Variants in MRAP2 observed in about 807,000 individuals in gnomAD.
The protein encoded by MRAP2 is melanocortin-2 receptor accessory protein 2.
In MRAP2, 20 loss-of-function variants were observed where a neutral mutation model predicts 17.4. The ratio of observed to expected loss-of-function variants is 1.15; its 90% CI spans 0.81 to 1.67. The LOEUF is 1.67. Among genes scored for constraint, MRAP2 ranks in the 40% most tolerant of loss-of-function variants. The probability of loss-of-function intolerance (pLI) is 0.00; values close to 1 mark genes in which losing one functional copy is unlikely to be tolerated. For synonymous variants in MRAP2, 96 were observed against 88.4 expected (o/e 1.09, Z -0.48); for missense variants, 238 against 240.0 (o/e 0.99, Z 0.05).
Position 84,050,478 on chromosome 6 carries a change from C to T in MRAP2, c.-7-4834C>T, listed in dbSNP as rs1276881478. Among the ~76,000 whole-genome samples the T allele has an allele frequency of 2.0e-5, 3 of 152,062 alleles. No homozygotes were observed. The East Asian group carries it at 5.8e-4, about 29-fold the overall frequency. ...TTTCTGTGTGGCCCTACCCTAGGCA[C>T]GAGTAAGCTGGGTGCACCATTGTTC... is the stretch of plus-strand genomic sequence containing the variant. On this transcript the variant is annotated intron_variant, in intron 1 of 3. Coordinates refer to ENST00000257776, the MANE Select transcript of MRAP2 (RefSeq NM_138409.4).
chr6:84,039,833 G>A (rs78820345), intron 1 of MRAP2, among the ~76,000 whole-genome samples: 1,883 of 152,286 alleles, frequency 0.012, 43 homozygotes, highest in African/African-American at 0.043. Context: ...GGTTTAACAA[G>A]AGAGAAAAAT....
At chr6:84,064,701 A>T (rs941994063) in intron 3 of MRAP2, among the ~76,000 whole-genome samples, 1 of 152,058 alleles carries the variant, frequency 6.6e-6, no homozygotes, top group African/African-American at 2.4e-5. Context: ...GTTAGCCAGG[A>T]TGGTCTCGAT....
At chr6:84,062,831 T>C (rs755582095) in intron 2 of MRAP2, 62 bp from the exon 3 acceptor site, 57 of 1,608,542 alleles carry the variant, frequency 3.5e-5, no homozygotes, top group Non-Finnish European at 4.6e-5. Context: ...AAGCTCTGAT[T>C]CTTGAATGTT....
chr6:84,043,609 T>A (rs2099488205), intron 1 of MRAP2, among the ~76,000 whole-genome samples: 1 of 150,420 alleles, frequency 6.6e-6, no homozygotes, highest in Non-Finnish European at 1.5e-5. Context: ...CTACTGTCTA[T>A]GTCTTCAGGC....
chr6:84,064,588 C>T (rs9449762), intron 3 of MRAP2, among the ~76,000 whole-genome samples: 2,149 of 152,084 alleles, frequency 0.014, 39 homozygotes, highest in African/African-American at 0.048. Flanking sequence ...CCCGGGTTCA[C>T]GCCATTCTCC....
At chr6:84,091,628 A>G (rs1036466223), downstream of MRAP2, among the ~76,000 whole-genome samples, 5 of 152,218 alleles carry the variant, frequency 3.3e-5, no homozygotes, top group Non-Finnish European at 5.9e-5. Context: ...CTTAAGTGGT[A>G]TCTTATTTAG....
chr6:84,127,512 A>C, the MRAP2 span, among the ~76,000 whole-genome samples: 1 of 152,148 alleles, frequency 6.6e-6, no homozygotes, highest in Non-Finnish European at 1.5e-5. Flanking sequence ...CTCACAGAAC[A>C]TGCTGTGGTG....
chr6:84,126,433 T>G, the MRAP2 span: 1 of 1,600,294 alleles, frequency 6.2e-7, no homozygotes. Flanking sequence ...CTTAATTTTC[T>G]TTTCTAAGCC....
chr6:84,036,139 T>A (rs545281055), intron 1 of MRAP2, among the ~76,000 whole-genome samples: 95 of 151,898 alleles, frequency 6.3e-4, no homozygotes, highest in South Asian at 1.2e-3. Context: ...TTTTTTTTTT[T>A]AAATTTTTCT....
At chr6:84,058,768 G>T (rs2099492322) in intron 2 of MRAP2, among the ~76,000 whole-genome samples, 1 of 152,130 alleles carries the variant, frequency 6.6e-6, no homozygotes, top group African/African-American at 2.4e-5. Flanking sequence ...GGACAATTGT[G>T]GTTTTTTGGA....
chr6:84,073,525 G>A (rs147719823), intron 3 of MRAP2, among the ~76,000 whole-genome samples: 201 of 152,278 alleles, frequency 1.3e-3, no homozygotes, highest in African/African-American at 4.5e-3. Flanking sequence ...AGTGGATCTG[G>A]AGCTAAAATT....
chr6:84,088,662 A>G (rs1365771571), intron 3 of MRAP2, among the ~76,000 whole-genome samples: 1 of 152,214 alleles, frequency 6.6e-6, no homozygotes, highest in African/African-American at 2.4e-5. Context: ...AAACTTCAGT[A>G]TGAGTAATGA....
At chr6:84,135,540 C>T in the MRAP2 span, among the ~76,000 whole-genome samples, 2 of 152,152 alleles carry the variant, frequency 1.3e-5, no homozygotes, top group South Asian at 2.1e-4. Context: ...TTAAACTGAA[C>T]CACAAAATTA....
intron 1 of MRAP2, among the ~76,000 whole-genome samples, chr6:84,053,680 T>G (rs1028583238): frequency 3.3e-5 from 5 of 152,190 alleles, no homozygotes; most frequent in African/African-American, 9.7e-5. Flanking sequence ...CCTGCTAATA[T>G]TTTTCTTAAT....
intron 2 of MRAP2, among the ~76,000 whole-genome samples, chr6:84,058,576 G>T (rs1390204463): frequency 2.0e-5 from 3 of 152,044 alleles, no homozygotes; most frequent in African/African-American, 7.2e-5. Context: ...GGAAGCCGTA[G>T]ACTTGAGAGT....
chr6:84,113,957 G>A, the MRAP2 span, among the ~76,000 whole-genome samples: 3 of 152,212 alleles, frequency 2.0e-5, no homozygotes, highest in African/African-American at 7.2e-5. Context: ...CTGTTAGTCT[G>A]ATGGGTTTCC....
intron 3 of MRAP2, among the ~76,000 whole-genome samples, chr6:84,082,434 A>G (rs1234443700): frequency 6.6e-6 from 1 of 152,212 alleles, no homozygotes; most frequent in African/African-American, 2.4e-5. Context: ...ATCTTCAGTA[A>G]CATGCTTAAG....
intron 3 of MRAP2, among the ~76,000 whole-genome samples, chr6:84,066,212 CAG>C (rs1260940779): frequency 6.6e-6 from 1 of 152,104 alleles, no homozygotes; most frequent in Non-Finnish European, 1.5e-5. Context: ...AATCACAGAA[CAG>C]GGGTCATTTT....
the MRAP2 span, among the ~76,000 whole-genome samples, chr6:84,114,471 TCC>T: frequency 1.3e-5 from 2 of 152,128 alleles, no homozygotes; most frequent in African/African-American, 4.8e-5. Flanking sequence ...AGTTAGGAAC[TCC>T]TCTAACCTTT....
Sources: allele counts gnomAD v4.1 joint callset (sites outside exome capture counted in the v4.1 genomes callset), GRCh38; gene constraint gnomAD v4.1.1; transcripts MANE v1.5; gene names NCBI Gene and HGNC (gene_info 2026-07-23, HGNC 2026-07-21).